Variants in THSD7B observed in about 807,000 individuals in gnomAD.
THSD7B encodes thrombospondin type 1 domain containing 7B.
In THSD7B, 138 loss-of-function variants were observed where a neutral mutation model predicts 213.6. That is an observed-to-expected ratio of 0.65 (90% CI 0.56 to 0.74). The LOEUF (loss-of-function observed/expected upper bound fraction) is 0.74, where lower values mean the gene tolerates loss of function less well. Ranked by LOEUF, THSD7B falls within the 30% of genes least tolerant of loss-of-function variation. The pLI is 0.00. For synonymous variants in THSD7B, 742 were observed against 687.0 expected, an observed-to-expected ratio of 1.08 and a Z score of -1.25; for missense variants, 1,931 against 1,991.5, an observed-to-expected ratio of 0.97 and a Z score of 0.58.
intron 17 of THSD7B, among the ~76,000 whole-genome samples, chr2:137,590,322 A>G (rs781675551): frequency 1.3e-5 from 2 of 152,196 alleles, no homozygotes; most frequent in Non-Finnish European, 2.9e-5. Flanking sequence ...TGGTCATTTT[A>G]TGAGCTAGAA....
At chr2:137,509,602 A>C (rs1388846734) in intron 15 of THSD7B, among the ~76,000 whole-genome samples, 3 of 152,068 alleles carry the variant, frequency 2.0e-5, no homozygotes, top group Non-Finnish European at 4.4e-5. Flanking sequence ...AAATTTGAGA[A>C]TATTTAGACT....
At position 136,875,133 on chromosome 2, in the gene THSD7B, C is replaced by A. The variant is rs1441109290; in HGVS notation, c.-35-7011C>A. Among the ~76,000 whole-genome samples the A allele has an allele frequency of 4.6e-5, 7 of 152,264 alleles. No homozygotes were observed. In the South Asian group the frequency reaches 1.5e-3, roughly 32 times the overall value. ...GTAGGACACACCTGTGTTCAAACTC[C>A]ATTCTGGGCTGGGCACAGTGGCTCA... On this transcript the variant is annotated intron_variant, in intron 1 of 27. Transcript: ENST00000409968.
chr2:137,626,993 T>C (rs1362437048), intron 20 of THSD7B, among the ~76,000 whole-genome samples: 1 of 152,184 alleles, frequency 6.6e-6, no homozygotes, highest in East Asian at 1.9e-4. Context: ...ATTTGACTAA[T>C]GATTCTGGTG....
At chr2:136,831,008 C>T (rs951777110) in intron 1 of THSD7B, among the ~76,000 whole-genome samples, 52 of 152,072 alleles carry the variant, frequency 3.4e-4, no homozygotes, top group African/African-American at 1.2e-3. Context: ...AAATGATAAT[C>T]AACTAGTAAT....
chr2:137,068,130 C>T (rs1177992166), intron 3 of THSD7B, among the ~76,000 whole-genome samples: 1 of 151,900 alleles, frequency 6.6e-6, no homozygotes. Context: ...TCTATGACTT[C>T]GATTCTCTGA....
intron 17 of THSD7B, among the ~76,000 whole-genome samples, chr2:137,584,004 T>C (rs912284350): frequency 2.7e-5 from 4 of 149,914 alleles, no homozygotes; most frequent in African/African-American, 9.7e-5. Context: ...TGTGTCCTTG[T>C]TTATTTTGTT....
intron 12 of THSD7B, among the ~76,000 whole-genome samples, chr2:137,314,412 A>AT (rs959954886): frequency 2.6e-5 from 4 of 151,994 alleles, no homozygotes; most frequent in Admixed American, 1.3e-4. Context: ...ATTCTTCTAA[A>AT]TTTTTTTCAC....
intron 3 of THSD7B, among the ~76,000 whole-genome samples, chr2:137,059,013 A>T (rs1687221649): frequency 6.6e-6 from 1 of 152,156 alleles, no homozygotes; most frequent in South Asian, 2.1e-4. Flanking sequence ...AAAAATAAAT[A>T]CCATAGTTTG....
At chr2:137,407,805 T>C (rs1381201728) in intron 13 of THSD7B, among the ~76,000 whole-genome samples, 2 of 152,088 alleles carry the variant, frequency 1.3e-5, no homozygotes, top group African/African-American at 2.4e-5. Context: ...TTCTGTATGT[T>C]GTACCCAAAC....
intron 1 of THSD7B, among the ~76,000 whole-genome samples, chr2:136,770,010 C>T (rs1681476335): frequency 6.6e-6 from 1 of 152,146 alleles, no homozygotes; most frequent in South Asian, 2.1e-4. Context: ...TTTTCAATGC[C>T]TTGACTTGGA....
chr2:137,398,900 A>G (rs1447379584), intron 12 of THSD7B, among the ~76,000 whole-genome samples: 3 of 152,158 alleles, frequency 2.0e-5, no homozygotes, highest in African/African-American at 7.2e-5. Context: ...GAAAAGCGCA[A>G]TATTCGGGTG....
At chr2:136,971,371 A>C (rs1685400051) in intron 2 of THSD7B, among the ~76,000 whole-genome samples, 1 of 152,146 alleles carries the variant, frequency 6.6e-6, no homozygotes, top group Admixed American at 6.6e-5. Context: ...CAGAAGCGAC[A>C]CAGGTAGAAT....
chr2:137,014,443 G>C (rs1404467673), intron 2 of THSD7B, among the ~76,000 whole-genome samples: 1 of 152,166 alleles, frequency 6.6e-6, no homozygotes, highest in Admixed American at 6.5e-5. Flanking sequence ...CATCGCTTAA[G>C]ACACACTTTT....
chr2:137,346,779 TTA>T (rs1306784023), intron 12 of THSD7B, among the ~76,000 whole-genome samples: 2 of 151,746 alleles, frequency 1.3e-5, no homozygotes, highest in African/African-American at 4.8e-5. Context: ...TGCAATTATT[TTA>T]TGTTTGTGTG....
At chr2:137,352,885 A>G (rs1685043792) in intron 12 of THSD7B, among the ~76,000 whole-genome samples, 1 of 152,034 alleles carries the variant, frequency 6.6e-6, no homozygotes, top group African/African-American at 2.4e-5. Flanking sequence ...TTTCAATTTT[A>G]GAGCCATACA....
intron 2 of THSD7B, among the ~76,000 whole-genome samples, chr2:136,890,369 T>C (rs376449606): frequency 0.036 from 178 of 4,954 alleles, 1 homozygote; most frequent in Middle Eastern, 0.17. Flanking sequence ...TTCTTCTTCT[T>C]CTTCTTCCTC....
At chr2:136,895,576 T>C (rs1683944936) in intron 2 of THSD7B, among the ~76,000 whole-genome samples, 1 of 150,206 alleles carries the variant, frequency 6.7e-6, no homozygotes, top group African/African-American at 2.4e-5. Flanking sequence ...TAGTAATTGT[T>C]AGCCTGAAAG....
At chr2:137,220,572 T>C (rs961487626) in intron 7 of THSD7B, among the ~76,000 whole-genome samples, 1 of 152,156 alleles carries the variant, frequency 6.6e-6, no homozygotes, top group African/African-American at 2.4e-5. Flanking sequence ...GTTAGAGCAA[T>C]GTAGAACTCT....
At chr2:136,845,970 C>A (rs1258125993) in intron 1 of THSD7B, among the ~76,000 whole-genome samples, 2 of 152,092 alleles carry the variant, frequency 1.3e-5, no homozygotes, top group Admixed American at 6.6e-5. Context: ...TGTGGATGGA[C>A]TGATGAGGGG....
Sources: allele counts gnomAD v4.1 joint callset (sites outside exome capture counted in the v4.1 genomes callset), GRCh38; gene constraint gnomAD v4.1.1; transcripts MANE v1.5; gene names NCBI Gene and HGNC (gene_info 2026-07-23, HGNC 2026-07-21).